Variants in NTNG1 observed in about 807,000 individuals in gnomAD.
The protein encoded by NTNG1 is netrin-G1.
Under a neutral mutation model 54.0 loss-of-function variants are expected in NTNG1, and 16 were observed. The ratio of observed to expected loss-of-function variants is 0.30; its 90% CI spans 0.20 to 0.45. NTNG1 has a LOEUF of 0.45. Among genes scored for constraint, NTNG1 ranks in the 20% least tolerant of loss-of-function variants. The pLI, the probability that NTNG1 is intolerant of heterozygous loss-of-function variation, is 1.00. For missense variants in NTNG1, 530 were observed against 678.7 expected (o/e 0.78, Z 2.43); for synonymous variants, 255 against 263.1 (o/e 0.97, Z 0.30).
At chr1:107,170,960 A>T (rs768797156) in intron 2 of NTNG1, among the ~76,000 whole-genome samples, 10 of 152,130 alleles carry the variant, frequency 6.6e-5, no homozygotes, top group Non-Finnish European at 1.3e-4. Context: ...ATAGCATCGT[A>T]CAAATATTTA....
intron 2 of NTNG1, among the ~76,000 whole-genome samples, chr1:107,204,638 CTGAAACCTGT>C (rs1260713351): frequency 1.3e-5 from 2 of 152,090 alleles, no homozygotes; most frequent in African/African-American, 4.8e-5. Flanking sequence ...AATCACTCAG[CTGAAACCTGT>C]TGAAATTCCT....
intron 2 of NTNG1, among the ~76,000 whole-genome samples, chr1:107,206,909 C>T (rs10785817): frequency 0.86 from 130,770 of 152,058 alleles, 57,839 homozygotes; most frequent in East Asian, 0.99. Flanking sequence ...TCCGCCATCT[C>T]GCTGGTGCAG....
chr1:107,361,105 A>G (rs1670237450), intron 3 of NTNG1, among the ~76,000 whole-genome samples: 3 of 146,164 alleles, frequency 2.1e-5, no homozygotes. Flanking sequence ...GAAAAAATAT[A>G]TATAATATAT....
At chr1:107,398,052 T>G (rs750306337) in intron 4 of NTNG1, among the ~76,000 whole-genome samples, 5 of 151,874 alleles carry the variant, frequency 3.3e-5, no homozygotes, top group African/African-American at 4.8e-5. Context: ...TTAGGATATA[T>G]CATCCCCTAA....
At chr1:107,224,345 C>T (rs1251898409) in intron 2 of NTNG1, among the ~76,000 whole-genome samples, 2 of 152,024 alleles carry the variant, frequency 1.3e-5, no homozygotes, top group African/African-American at 2.4e-5. Context: ...ATGAACTGCC[C>T]GAAAATGTTT....
At position 107,298,761 on chromosome 1, in the gene NTNG1, T is replaced by C. The variant is rs188249717; in HGVS notation, c.247-25521T>C. On this transcript the variant is annotated intron_variant, in intron 2 of 7. Coordinates refer to ENST00000370068, the MANE Select transcript of NTNG1 (RefSeq NM_001113226.3). ...CACATCTGGCTGCAGCTCCTGTTGATGTGACTGAACAAGGGCAACCCCTTG... is the reference window on the plus strand; with the variant it reads ...CACATCTGGCTGCAGCTCCTGTTGACGTGACTGAACAAGGGCAACCCCTTG... 1.2e-3 allele frequency among the ~76,000 whole-genome samples: 188 copies of C among 152,298 alleles called. 1 individual carries two copies. Among genetic ancestry groups the C allele is most frequent in the African/African-American group, 4.4e-3 (184 of 41,578 alleles).
rs199796570 is a variant in NTNG1, at chr1:107,192,959, G to A, written c.246+44120G>A. On this transcript the variant is annotated intron_variant, in intron 2 of 7. Coordinates refer to ENST00000370068, the MANE Select transcript of NTNG1 (RefSeq NM_001113226.3). ...ATTGTTTTCCTTTCAAATTCCATGT[G>A]TATCATAAACAAAGTAAATAGAAAC... Among the ~76,000 whole-genome samples the A allele has an allele frequency of 4.7e-4, 72 of 152,074 alleles. 1 individual carries two copies. Among genetic ancestry groups the A allele is most frequent in the East Asian group, 3.5e-3 (18 of 5,162 alleles).
At chr1:107,305,929 T>A (rs1666669499) in intron 2 of NTNG1, among the ~76,000 whole-genome samples, 2 of 152,172 alleles carry the variant, frequency 1.3e-5, no homozygotes, top group Admixed American at 1.3e-4. Flanking sequence ...ATTTTATTAA[T>A]TAATTTACTT....
chr1:107,383,407 T>C (rs1332806878), intron 3 of NTNG1, among the ~76,000 whole-genome samples: 3 of 152,182 alleles, frequency 2.0e-5, no homozygotes, highest in Admixed American at 6.5e-5. Flanking sequence ...GAAATTATCA[T>C]GGTATAGTTC....
chr1:107,160,870 C>T (rs1298266434), intron 2 of NTNG1, among the ~76,000 whole-genome samples: 1 of 152,072 alleles, frequency 6.6e-6, no homozygotes, highest in Non-Finnish European at 1.5e-5. Context: ...CTTAAAAAAC[C>T]TCAAAGGGGC....
At chr1:107,376,892 T>C (rs2101016536) in intron 3 of NTNG1, among the ~76,000 whole-genome samples, 1 of 152,324 alleles carries the variant, frequency 6.6e-6, no homozygotes, top group African/African-American at 2.4e-5. Context: ...TTTGTAACTA[T>C]CTGAATAACG....
chr1:107,169,591 T>C (rs1384517506), intron 2 of NTNG1, among the ~76,000 whole-genome samples: 1 of 152,114 alleles, frequency 6.6e-6, no homozygotes. Flanking sequence ...CTTCTGGAAA[T>C]CCTGAATTTT....
chr1:107,214,722 T>C lies in NTNG1; in HGVS notation c.246+65883T>C, dbSNP rs148228151. 5.2e-3 allele frequency among the ~76,000 whole-genome samples: 790 copies of C among 152,238 alleles called. 9 individuals carry two copies. Among genetic ancestry groups the C allele is most frequent in the African/African-American group, 0.018 (744 of 41,546 alleles). On this transcript the variant is annotated intron_variant, in intron 2 of 7. Transcript: ENST00000370068. ...GGAATCTTCACACTGTTTGTCATAG[T>C]GGTTGTACTAGTTTACATTCCCACC... is the stretch of plus-strand genomic sequence containing the variant.
At chr1:107,475,483 A>G (rs1678255192) in intron 7 of NTNG1, among the ~76,000 whole-genome samples, 2 of 152,088 alleles carry the variant, frequency 1.3e-5, no homozygotes, top group African/African-American at 4.8e-5. Flanking sequence ...TCACCCTTTC[A>G]TTGTGAACAG....
intron 2 of NTNG1, among the ~76,000 whole-genome samples, chr1:107,323,659 A>C (rs770305315): frequency 1.5e-4 from 23 of 152,102 alleles, no homozygotes; most frequent in Non-Finnish European, 1.5e-5. Flanking sequence ...TATTTGGACC[A>C]AGCCCCAGAG....
chr1:107,344,998 G>A (rs970973019), intron 3 of NTNG1, among the ~76,000 whole-genome samples: 7 of 152,126 alleles, frequency 4.6e-5, no homozygotes, highest in Admixed American at 4.6e-4. Context: ...ATCAGGAAAA[G>A]CATAGCATTC....
At chr1:107,192,462 TCTC>T (rs1658031914) in intron 2 of NTNG1, among the ~76,000 whole-genome samples, 1 of 152,020 alleles carries the variant, frequency 6.6e-6, no homozygotes, top group Non-Finnish European at 1.5e-5. Context: ...CCAGGAGTCT[TCTC>T]AAAACCTCTT....
intron 2 of NTNG1, among the ~76,000 whole-genome samples, chr1:107,200,300 A>G (rs941393014): frequency 2.6e-5 from 4 of 151,888 alleles, no homozygotes; most frequent in Non-Finnish European, 4.4e-5. Flanking sequence ...CCATTTCAAA[A>G]TAACATGTTT....
chr1:107,323,830 A>ATG (rs1270503742), intron 2 of NTNG1, among the ~76,000 whole-genome samples: 1 of 152,128 alleles, frequency 6.6e-6, no homozygotes, highest in East Asian at 1.9e-4. Flanking sequence ...TACAGAACAC[A>ATG]GGTATCTATG....
Sources: allele counts gnomAD v4.1 joint callset (sites outside exome capture counted in the v4.1 genomes callset), GRCh38; gene constraint gnomAD v4.1.1; transcripts MANE v1.5; gene names NCBI Gene and HGNC (gene_info 2026-07-23, HGNC 2026-07-21).